MYH9: variants seen among roughly 807,000 people sequenced by gnomAD.
MYH9 encodes the protein myosin-9.
Under a neutral mutation model 241.9 loss-of-function variants are expected in MYH9, and 29 were observed. That is an observed-to-expected ratio of 0.12 (90% CI 0.09 to 0.16). The LOEUF (loss-of-function observed/expected upper bound fraction) is 0.16, where lower values mean the gene tolerates loss of function less well. MYH9 is among the 10% of genes least tolerant of loss of function. MYH9 has a pLI of 1.00. For missense variants in MYH9, 1,803 were observed against 2,595.5 expected, an observed-to-expected ratio of 0.69 and a Z score of 6.63; for synonymous variants, 1,047 against 1,062.6, an observed-to-expected ratio of 0.99 and a Z score of 0.29.
At chr22:36,383,665 A>AG (rs35424710) in intron 1 of MYH9, among the ~76,000 whole-genome samples, 12,590 of 142,244 alleles carry the variant, frequency 0.089, 570 homozygotes, top group East Asian at 0.14. Flanking sequence ...TTAAAAAAAA[A>AG]GGGGGGGGGG....
chr22:36,295,499 G>GCA lies in MYH9; in HGVS notation c.3485+4_3485+5dup, dbSNP rs1366918192. 6.2e-7 allele frequency: 1 copy of GCA among 1,611,512 alleles called. No individual in the cohort carries two copies. Among genetic ancestry groups the GCA allele is most frequent in the Non-Finnish European group, 8.5e-7 (1 of 1,179,686 alleles). On this transcript the variant is annotated splice_donor_region_variant and intron_variant, in intron 26 of 40. Coordinates refer to ENST00000216181, the MANE Select transcript of MYH9 (RefSeq NM_002473.6). This position sits in a 1 kb window ranked among gnomAD's most constrained non-coding sequence, Gnocchi z 4.1. ...CCATCCCGAGGGACTTGGTCCCAGG[G>GCA]CACACCTGAGCTCCTGCTGGGCAGC...
chr22:36,301,721 C>A, intron 20 of MYH9, 56 bp from the exon 21 acceptor site: 1 of 1,604,838 alleles, frequency 6.2e-7, no homozygotes, highest in Non-Finnish European at 8.5e-7. Context: ...CCGCCTCTGC[C>A]AACAGGTGTG....
Position 36,306,043 on chromosome 22 carries a change from C to A in MYH9, c.2046G>T (p.Lys682Asn). Residue 682 changes from lysine to asparagine, a missense_variant, in exon 17 of 41, where the codon AAG becomes AAT. Coordinates refer to ENST00000216181, the MANE Select transcript of MYH9 (RefSeq NM_002473.6). The surrounding 1 kb of genome is among the most constrained non-coding windows in gnomAD (Gnocchi z 4.1). ...IIPNHEKKAG[K>N]LDPHLVLDQL... ...GGTCCAGCACGAGATGCGGGTCCAG[C>A]TTGCCGGCCTGGAGAAGAAAACACA... 6.2e-7 allele frequency: 1 copy of A among 1,613,208 alleles called. No individual in the cohort carries two copies. The highest frequency in any genetic ancestry group is 8.5e-7 in the Non-Finnish European group (1 of 1,180,022).
At chr22:36,348,842 C>A in intron 2 of MYH9, 62 bp downstream of exon 2, 3 of 9,078 alleles carry the variant, frequency 3.3e-4, no homozygotes, top group South Asian at 5.3e-3. Context: ...GGAAGACCCG[C>A]CCCCCCCCCC....
chr22:36,325,535 T>A (rs1047044685), intron 5 of MYH9, among the ~76,000 whole-genome samples: 16 of 152,216 alleles, frequency 1.1e-4, no homozygotes, highest in African/African-American at 3.9e-4. Context: ...CATGCTTAAG[T>A]CTGATCACCC....
Position 36,304,016 on chromosome 22 carries a change from C to A in MYH9, c.2369G>T (p.Cys790Phe). 6.2e-7 allele frequency: 1 copy of A among 1,613,724 alleles called. No individual in the cohort carries two copies. The highest frequency in any genetic ancestry group is 8.5e-7 in the Non-Finnish European group (1 of 1,180,024). The change falls in exon 19 of 41, where the codon TGC becomes TTC. Residue 790 changes from cysteine (C) to phenylalanine (F), a missense_variant. Physicochemically the swap from Cys to Phe is radical, Grantham distance 205. Transcript: ENST00000216181. ...TDVIIGFQAC[C>F]RGYLARKAFA... Reference sequence around the variant, plus strand: ...TCACTTCCTGGCCAGGTAGCCCCTGCAGCAGGCCTGGAACCCTATGATGAC... The same window carrying A: ...TCACTTCCTGGCCAGGTAGCCCCTGAAGCAGGCCTGGAACCCTATGATGAC...
intron 24 of MYH9, among the ~76,000 whole-genome samples, chr22:36,298,474 C>T (rs2016822916): frequency 6.6e-6 from 1 of 152,234 alleles, no homozygotes; most frequent in Admixed American, 6.5e-5. Context: ...TTCTCACAGA[C>T]ACCCTAGCAC....
In MYH9 at chr22:36,309,267, G is replaced by A. The variant is rs1346958601; in HGVS notation, c.1843+15C>T. On this transcript the variant is annotated intron_variant, in intron 15 of 40. Transcript: ENST00000216181. The stretch of plus-strand genomic sequence containing the variant: ...CAGCCAAGAGGAGGCAGGGGGCGAA[G>A]GGCAAAGGGCGTACCATCCTTCCAC... The A allele has an allele frequency of 1.9e-6, 3 of 1,609,314 alleles. No individual in the cohort carries two copies. Among genetic ancestry groups the A allele is most frequent in the Admixed American group, 1.7e-5 (1 of 59,990 alleles).
intron 1 of MYH9, among the ~76,000 whole-genome samples, chr22:36,371,887 T>C (rs2018096079): frequency 6.6e-6 from 1 of 151,958 alleles, no homozygotes; most frequent in South Asian, 2.1e-4. Context: ...TTGGGCTCTC[T>C]ACAGCTCTTA....
chr22:36,362,172 A>G (rs1274003229), intron 1 of MYH9, among the ~76,000 whole-genome samples: 1 of 152,184 alleles, frequency 6.6e-6, no homozygotes, highest in Admixed American at 6.5e-5. Context: ...GGAGCTTCCA[A>G]TCTAAGAGAA....
In MYH9 at chr22:36,293,517, A is replaced by G. The variant is rs55705637; in HGVS notation, c.3943-36T>C. 96 of 1,609,502 alleles carry G rather than the reference A, an allele frequency of 6.0e-5. No homozygotes were observed. Among genetic ancestry groups the G allele is most frequent in the Non-Finnish European group, 8.1e-5 (95 of 1,179,928 alleles). On this transcript the variant is annotated intron_variant, in intron 29 of 40. Transcript: ENST00000216181. The surrounding 1 kb of genome is among the most constrained non-coding windows in gnomAD (Gnocchi z 5.1). The stretch of plus-strand genomic sequence containing the variant: ...GTTGAGAGGGGTGCGGGTGCTTAGG[A>G]GGGTGGTGTCCAAAACCCAGGAACC...
chr22:36,343,243 C>CA (rs1215040574), intron 2 of MYH9, among the ~76,000 whole-genome samples: 1 of 152,108 alleles, frequency 6.6e-6, no homozygotes, highest in Non-Finnish European at 1.5e-5. Context: ...GGTATGCATT[C>CA]AAAACAGCTG....
intron 1 of MYH9, among the ~76,000 whole-genome samples, chr22:36,375,216 C>T (rs575402832): frequency 3.8e-4 from 57 of 150,368 alleles, no homozygotes; most frequent in African/African-American, 1.4e-3. Context: ...GTCAAGAGCT[C>T]ACTAGGCAAC....
chr22:36,341,464 T>C lies in MYH9; in HGVS notation c.396A>G (p.Glu132=). The C allele has an allele frequency of 3.1e-6, 5 of 1,614,192 alleles. No homozygotes were observed. Among genetic ancestry groups the C allele is most frequent in the Non-Finnish European group, 3.4e-6 (4 of 1,180,030 alleles). The change falls in exon 3 of 41, where the codon GAA becomes GAG. Residue 132 remains glutamate (E), a synonymous_variant. Transcript: ENST00000216181. ...TGCCCTTGTACATTTCCACAATCTC[T>C]TCAGAGTAGATGGGCAGGTTCTTGT... ...NPYKNLPIYS[E]EIVEMYKGKK... is the part of the protein sequence containing the mutation.
rs773197177 is a variant in MYH9, at chr22:36,293,866, G to A, written c.3838-3C>T. ...CCGGTCACGTTGTCCAGCTCCACCT[G>A]CACCGGGCGGGGAGACACAAAGGAC... On this transcript the variant is annotated splice_region_variant and splice_polypyrimidine_tract_variant and intron_variant, in intron 28 of 40. Coordinates refer to ENST00000216181, the MANE Select transcript of MYH9 (RefSeq NM_002473.6). The surrounding 1 kb of genome is among the most constrained non-coding windows in gnomAD (Gnocchi z 5.1). The A allele has an allele frequency of 1.9e-6, 3 of 1,611,730 alleles. No individual in the cohort carries two copies. Among genetic ancestry groups the A allele is most frequent in the Non-Finnish European group, 2.5e-6 (3 of 1,179,100 alleles).
chr22:36,286,693 C>G, intron 35 of MYH9, 25 bp downstream of exon 35: 2 of 1,610,008 alleles, frequency 1.2e-6, no homozygotes, highest in Non-Finnish European at 1.7e-6. Context: ...GCAGCGGTGC[C>G]GCTCTCCATT....
intron 1 of MYH9, among the ~76,000 whole-genome samples, chr22:36,359,323 T>C (rs1162483498): frequency 1.3e-5 from 2 of 152,106 alleles, no homozygotes; most frequent in Admixed American, 6.6e-5. Context: ...AAGGCCAAAA[T>C]GAGGAAGAAA....
At chr22:36,314,017 C>T (rs532515129) in intron 13 of MYH9, 128 bp downstream of exon 13, 21 of 1,251,562 alleles carry the variant, frequency 1.7e-5, no homozygotes, top group South Asian at 7.6e-5. Flanking sequence ...CTTCATCCTC[C>T]GGGTGGCACC....
intron 40 of MYH9, among the ~76,000 whole-genome samples, chr22:36,283,632 C>T (rs869065329): frequency 2.0e-4 from 31 of 151,428 alleles, no homozygotes; most frequent in Admixed American, 2.0e-3. Context: ...AAATGAGAGT[C>T]TCAAAAAACC....
Sources: allele counts gnomAD v4.1 joint callset (sites outside exome capture counted in the v4.1 genomes callset), GRCh38; gene constraint gnomAD v4.1.1; non-coding constraint Gnocchi (gnomAD v3.1); transcripts MANE v1.5; gene names NCBI Gene and HGNC (gene_info 2026-07-23, HGNC 2026-07-21).